The following PRSS55 variants were observed in gnomAD, a reference collection of about 807,000 sequenced individuals.
The protein encoded by PRSS55 is serine protease 55.
A neutral mutation model predicts 23.6 loss-of-function variants in PRSS55; 41 were observed. That is an observed-to-expected ratio of 1.74 (90% CI 1.35 to 2.26). The LOEUF (loss-of-function observed/expected upper bound fraction) is 2.26. PRSS55 is among the 30% of genes most tolerant of loss of function. The probability of loss-of-function intolerance (pLI) is 0.00; values close to 1 mark genes in which losing one functional copy is unlikely to be tolerated. For synonymous variants in PRSS55, 262 were observed against 175.5 expected (o/e 1.49, Z -3.90); for missense variants, 669 against 439.1 (o/e 1.52, Z -4.68).
downstream of PRSS55, among the ~76,000 whole-genome samples, chr8:10,542,088 C>T (rs142819064): frequency 4.3e-3 from 656 of 152,242 alleles, 18 homozygotes; most frequent in Non-Finnish European, 7.9e-4. Flanking sequence ...CTGTTTCACC[C>T]GTGAAAGCAA....
intron 1 of PRSS55, among the ~76,000 whole-genome samples, chr8:10,526,103 G>A (rs1268106522): frequency 6.6e-6 from 1 of 152,124 alleles, no homozygotes; most frequent in Admixed American, 6.5e-5. Flanking sequence ...GCCTAGCTCA[G>A]TCAGGCCAAG....
At chr8:10,539,291 T>A (rs1812570254), downstream of PRSS55, among the ~76,000 whole-genome samples, 2 of 152,198 alleles carry the variant, frequency 1.3e-5, no homozygotes, top group African/African-American at 4.8e-5. Flanking sequence ...TGATGGGCAA[T>A]CTGTTGATTC....
intron 4 of PRSS55, among the ~76,000 whole-genome samples, chr8:10,549,445 T>C (rs1460855763): frequency 6.6e-6 from 1 of 152,174 alleles, no homozygotes; most frequent in South Asian, 2.1e-4. Flanking sequence ...GATGATGGCA[T>C]CGGCATGTTG....
rs540497291 is a variant in PRSS55, at chr8:10,528,880, CT to C, written c.155-626del. Among the ~76,000 whole-genome samples the C allele has an allele frequency of 3.1e-4, 47 of 152,294 alleles. No homozygotes were observed. The East Asian group carries it at 5.2e-3, about 17-fold the overall frequency. ...AGCTTCTAGAAACTTCTCTGGGCCC[CT>C]GCCTTCATCTTCAAAGCCAGCTATG... On this transcript the variant is annotated intron_variant, in intron 1 of 4. Coordinates refer to ENST00000328655, the MANE Select transcript of PRSS55 (RefSeq NM_198464.4).
intron 4 of PRSS55, among the ~76,000 whole-genome samples, chr8:10,544,049 A>G (rs748429990): frequency 7.9e-5 from 12 of 152,172 alleles, no homozygotes; most frequent in Non-Finnish European, 1.5e-4. Flanking sequence ...GCTGGTTTAT[A>G]GTATTGCCAA....
At chr8:10,551,453 G>C (rs1482415325) in intron 4 of PRSS55, among the ~76,000 whole-genome samples, 1 of 152,194 alleles carries the variant, frequency 6.6e-6, no homozygotes, top group Admixed American at 6.5e-5. Context: ...CTCTGGTGGG[G>C]ACGGCAGGGT....
chr8:10,530,562 T>C (rs1219697259), intron 2 of PRSS55, among the ~76,000 whole-genome samples: 2 of 152,042 alleles, frequency 1.3e-5, no homozygotes, highest in African/African-American at 4.8e-5. Flanking sequence ...CCCTCGTTTA[T>C]AGATAAGGAA....
At chr8:10,534,806 C>A (rs982159048) in intron 4 of PRSS55, among the ~76,000 whole-genome samples, 4 of 152,166 alleles carry the variant, frequency 2.6e-5, no homozygotes, top group South Asian at 2.1e-4. Flanking sequence ...TGGTTCTATA[C>A]CTGGAAAACC....
Position 10,529,646 on chromosome 8 carries a change from C to G in PRSS55, c.294C>G (p.Leu98=), listed in dbSNP as rs774319217. ...RSEPFCGGSI[L]NKWWILTAAH... is the part of the protein sequence containing the mutation. ...AACCTTTCTGTGGCGGCTCCATCCTCAACAAGTGGTGGATTCTCACTGCGG... is the reference window on the plus strand; with the variant it reads ...AACCTTTCTGTGGCGGCTCCATCCTGAACAAGTGGTGGATTCTCACTGCGG... Residue 98 remains leucine (L), a synonymous_variant, in exon 2 of 5, where the codon CTC becomes CTG. Coordinates refer to ENST00000328655, the MANE Select transcript of PRSS55 (RefSeq NM_198464.4). 8 of 1,614,184 alleles carry G rather than the reference C, an allele frequency of 5.0e-6. No homozygotes were observed. The East Asian group carries it at 1.8e-4, about 36-fold the overall frequency.
At chr8:10,552,825 G>A (rs1057490773) in intron 4 of PRSS55, among the ~76,000 whole-genome samples, 1 of 152,198 alleles carries the variant, frequency 6.6e-6, no homozygotes, top group Non-Finnish European at 1.5e-5. Flanking sequence ...TGGTAGGAAT[G>A]TAAATTAATA....
chr8:10,538,917 G>C, downstream of PRSS55: 1 of 980,456 alleles, frequency 1.0e-6, no homozygotes, highest in South Asian at 1.8e-5. Flanking sequence ...GAGGACCAGA[G>C]AGTCACCCTG....
chr8:10,526,860 G>C (rs1441383367), intron 1 of PRSS55, among the ~76,000 whole-genome samples: 1 of 152,186 alleles, frequency 6.6e-6, no homozygotes, highest in African/African-American at 2.4e-5. Context: ...AATGAAGAAA[G>C]GGGGGTGGGT....
chr8:10,547,577 G>C (rs1812849857), intron 4 of PRSS55: 1 of 152,562 alleles, frequency 6.6e-6, no homozygotes, highest in African/African-American at 2.4e-5. Context: ...CCGGTGCTCT[G>C]CTGCTCCGGC....
At chr8:10,545,880 G>A (rs1487562223) in intron 4 of PRSS55, among the ~76,000 whole-genome samples, 1 of 152,228 alleles carries the variant, frequency 6.6e-6, no homozygotes, top group Non-Finnish European at 1.5e-5. Context: ...AACCGGCCCA[G>A]TAAGAGGCAT....
At chr8:10,547,746 G>A (rs937405126) in intron 4 of PRSS55, among the ~76,000 whole-genome samples, 1 of 24,574 alleles carries the variant, frequency 4.1e-5, no homozygotes, top group Non-Finnish European at 8.7e-5. Context: ...GCCCCGCCCC[G>A]CCCCAGTCTT....
chr8:10,547,982 G>A (rs982907700), intron 4 of PRSS55, among the ~76,000 whole-genome samples: 1 of 152,092 alleles, frequency 6.6e-6, no homozygotes, highest in African/African-American at 2.4e-5. Flanking sequence ...GTGGGCGGAG[G>A]AGGGACTCCT....
chr8:10,543,468 CTTTCTTTCTCTCT>C (rs1812724843), downstream of PRSS55, among the ~76,000 whole-genome samples: 5 of 104,238 alleles, frequency 4.8e-5, no homozygotes, highest in East Asian at 2.6e-4. Context: ...TCCTTCCTTT[CTTTCTTTCTCTCT>C]TTTTTTTTTT....
At chr8:10,533,592 A>G (rs1281286597) in intron 4 of PRSS55, among the ~76,000 whole-genome samples, 1 of 152,182 alleles carries the variant, frequency 6.6e-6, no homozygotes, top group Non-Finnish European at 1.5e-5. Flanking sequence ...CGTTCTTTCT[A>G]AAAAATTATT....
chr8:10,534,760 G>A (rs1435173010), intron 4 of PRSS55, among the ~76,000 whole-genome samples: 9 of 152,170 alleles, frequency 5.9e-5, no homozygotes, highest in African/African-American at 2.2e-4. Flanking sequence ...CAAATAAGAA[G>A]AGAAGATGTC....
Sources: allele counts gnomAD v4.1 joint callset (sites outside exome capture counted in the v4.1 genomes callset), GRCh38; gene constraint gnomAD v4.1.1; transcripts MANE v1.5; gene names NCBI Gene and HGNC (gene_info 2026-07-23, HGNC 2026-07-21).